The following REDIC1 variants were observed in gnomAD, a reference collection of about 807,000 sequenced individuals.
The protein encoded by REDIC1 is HEI10 Interacting Protein 1.
chr12:39,788,888 A>G, the REDIC1 span, among the ~76,000 whole-genome samples: 1 of 152,154 alleles, frequency 6.6e-6, no homozygotes, highest in Non-Finnish European at 1.5e-5. Context: ...TATCACCATA[A>G]AATAAATATT....
the REDIC1 span, chr12:39,720,924 T>G: frequency 6.2e-7 from 1 of 1,613,692 alleles, no homozygotes; most frequent in Non-Finnish European, 8.5e-7. Context: ...TTAAAAACGA[T>G]GACAAAATTC....
the REDIC1 span, among the ~76,000 whole-genome samples, chr12:39,777,206 T>C: frequency 6.6e-6 from 1 of 152,168 alleles, no homozygotes; most frequent in East Asian, 1.9e-4. Flanking sequence ...GAGCCAATCA[T>C]ATGAGGGACT....
chr12:39,752,149 T>C, the REDIC1 span, among the ~76,000 whole-genome samples: 33 of 152,182 alleles, frequency 2.2e-4, no homozygotes, highest in African/African-American at 7.7e-4. Flanking sequence ...GCAGTGTATC[T>C]TCTAGCGTGG....
chr12:39,767,750 C>T, the REDIC1 span, among the ~76,000 whole-genome samples: 11 of 152,172 alleles, frequency 7.2e-5, no homozygotes, highest in Admixed American at 1.3e-4. Context: ...AATTGAATCA[C>T]GGGGGTGGTT....
At chr12:39,663,204 G>GGCATTGAA in the REDIC1 span, among the ~76,000 whole-genome samples, 2 of 151,780 alleles carry the variant, frequency 1.3e-5, no homozygotes, top group Admixed American at 1.3e-4. Context: ...CTGAGAGTGT[G>GGCATTGAA]GCATTGAAGT....
At chr12:39,650,504 A>G in the REDIC1 span, 1 of 967,858 alleles carries the variant, frequency 1.0e-6, no homozygotes, top group Non-Finnish European at 1.4e-6. This position sits in a 1 kb window ranked among gnomAD's most constrained non-coding sequence, Gnocchi z 4.3. Context: ...AGTAAAATGT[A>G]TTATTTAATT....
chr12:39,868,419 C>T, the REDIC1 span, among the ~76,000 whole-genome samples: 3 of 152,174 alleles, frequency 2.0e-5, no homozygotes, highest in African/African-American at 7.2e-5. Context: ...AATTTCCCTT[C>T]CCATGACTCT....
At chr12:39,881,962 C>G in the REDIC1 span, among the ~76,000 whole-genome samples, 11 of 152,142 alleles carry the variant, frequency 7.2e-5, no homozygotes, top group African/African-American at 2.7e-4. Flanking sequence ...ACATCTGAGT[C>G]TCTTTTAACT....
chr12:39,858,290 T>C, the REDIC1 span, among the ~76,000 whole-genome samples: 1 of 152,234 alleles, frequency 6.6e-6, no homozygotes, highest in African/African-American at 2.4e-5. Context: ...AATTGACTTA[T>C]GTACATTTAT....
At chr12:39,734,774 G>T in the REDIC1 span, among the ~76,000 whole-genome samples, 1 of 152,126 alleles carries the variant, frequency 6.6e-6, no homozygotes, top group Non-Finnish European at 1.5e-5. Context: ...TGATTGTAGT[G>T]TTACTTCCTG....
chr12:39,830,353 G>A, the REDIC1 span: 2 of 1,451,774 alleles, frequency 1.4e-6, no homozygotes. Context: ...CTTGGGACTT[G>A]TTTTGGCCAA....
At chr12:39,854,832 C>T in the REDIC1 span, among the ~76,000 whole-genome samples, 4 of 152,170 alleles carry the variant, frequency 2.6e-5, no homozygotes, top group Non-Finnish European at 5.9e-5. Flanking sequence ...ATCTGTTTTC[C>T]GCTTTTGCAC....
chr12:39,657,507 T>A, the REDIC1 span, among the ~76,000 whole-genome samples: 1 of 152,242 alleles, frequency 6.6e-6, no homozygotes, highest in African/African-American at 2.4e-5. Flanking sequence ...ATGTGAGTAC[T>A]GGTGTTCTCT....
At chr12:39,871,969 G>A in the REDIC1 span, 29 of 1,570,256 alleles carry the variant, frequency 1.8e-5, no homozygotes, top group Middle Eastern at 1.7e-4. Context: ...TACCTGCAAA[G>A]CAATGAATAA....
the REDIC1 span, among the ~76,000 whole-genome samples, chr12:39,885,263 A>G: frequency 6.6e-6 from 1 of 152,182 alleles, no homozygotes; most frequent in Admixed American, 6.5e-5. Context: ...CTCACTTGAA[A>G]TTCCCTACTC....
chr12:39,712,717 GTATACGTGTATATATGTATATAGA>G, the REDIC1 span, among the ~76,000 whole-genome samples: 1 of 128,878 alleles, frequency 7.8e-6, no homozygotes, highest in African/African-American at 3.4e-5. Flanking sequence ...GTATATAGAC[GTATACGTGTATATATGTATATAGA>G]CGTGTACACA....
At chr12:39,631,460 A>T in the REDIC1 span, among the ~76,000 whole-genome samples, 4 of 149,186 alleles carry the variant, frequency 2.7e-5, no homozygotes, top group African/African-American at 9.8e-5. Flanking sequence ...TTAATTGGTT[A>T]TTTTTTTTTT....
At chr12:39,772,961 G>A in the REDIC1 span, among the ~76,000 whole-genome samples, 370 of 152,312 alleles carry the variant, frequency 2.4e-3, 1 homozygote, top group African/African-American at 8.1e-3. Flanking sequence ...GCTAATGACT[G>A]AGAATGTGAC....
the REDIC1 span, among the ~76,000 whole-genome samples, chr12:39,730,142 C>A: frequency 6.6e-6 from 1 of 152,048 alleles, no homozygotes; most frequent in Non-Finnish European, 1.5e-5. Flanking sequence ...TTAATTGGGG[C>A]ATTTAGCCCA....
Sources: allele counts gnomAD v4.1 joint callset (sites outside exome capture counted in the v4.1 genomes callset), GRCh38; gene constraint gnomAD v4.1.1; non-coding constraint Gnocchi (gnomAD v3.1); transcripts MANE v1.5; gene names NCBI Gene and HGNC (gene_info 2026-07-23, HGNC 2026-07-21).